The following RUVBL1 variants were observed in gnomAD, a reference collection of about 807,000 sequenced individuals.
RUVBL1 encodes ruvB-like 1.
In RUVBL1, 4 loss-of-function variants were observed where a neutral mutation model predicts 52.4. The ratio of observed to expected loss-of-function variants is 0.08; its 90% CI spans 0.04 to 0.17. RUVBL1 has a LOEUF of 0.17. RUVBL1 is among the 10% of genes least tolerant of loss of function. The probability of loss-of-function intolerance (pLI) is 1.00; values close to 1 mark genes in which losing one functional copy is unlikely to be tolerated. For missense variants in RUVBL1, 298 were observed against 572.8 expected, an observed-to-expected ratio of 0.52 and a Z score of 4.90; for synonymous variants, 217 against 214.4, an observed-to-expected ratio of 1.01 and a Z score of -0.10.
intron 9 of RUVBL1, among the ~76,000 whole-genome samples, chr3:128,085,425 G>A (rs1942616216): frequency 6.6e-6 from 1 of 152,178 alleles, no homozygotes; most frequent in South Asian, 2.1e-4. Flanking sequence ...CAGTAAGAAT[G>A]GGCCAGTTTT....
At chr3:128,096,895 G>T (rs1036771194) in intron 8 of RUVBL1, among the ~76,000 whole-genome samples, 1 of 152,026 alleles carries the variant, frequency 6.6e-6, no homozygotes, top group African/African-American at 2.4e-5. Flanking sequence ...CTGTCTTTAC[G>T]ATGAGGGACA....
rs1013926814 is a variant in RUVBL1, at chr3:128,069,417, C to T, written c.940-4197G>A. 23 of 1,534,296 alleles carry T rather than the reference C, an allele frequency of 1.5e-5. No homozygotes were observed. The African/African-American group carries it at 2.2e-4, about 15-fold the overall frequency. On this transcript the variant is annotated intron_variant, in intron 9 of 9. Transcript: ENST00000464873. ...CAAAGTCTCAGGTGAGCCTGTTGGC[C>T]GCCTGGCTCACGGGGAGCTCTGTGG...
At chr3:128,145,629 A>G (rs965978121) in intron 1 of RUVBL1, among the ~76,000 whole-genome samples, 5 of 152,066 alleles carry the variant, frequency 3.3e-5, no homozygotes, top group African/African-American at 1.2e-4. Flanking sequence ...AGGGAGAGAA[A>G]CGGAGAGGAG....
chr3:128,091,586 T>C (rs1177156584), intron 8 of RUVBL1, among the ~76,000 whole-genome samples: 2 of 152,228 alleles, frequency 1.3e-5, no homozygotes, highest in African/African-American at 4.8e-5. Flanking sequence ...AGCGTATCTA[T>C]AAAAGCAAGA....
At chr3:128,150,755 CTATATATTCTATATAT>C (rs1226890369) in intron 1 of RUVBL1, among the ~76,000 whole-genome samples, 18 of 100,572 alleles carry the variant, frequency 1.8e-4, no homozygotes, top group Admixed American at 1.4e-3. Context: ...TATATATTCT[CTATATATTCTATATAT>C]TATATATTCT....
chr3:128,074,503 C>CT (rs1942251373), intron 9 of RUVBL1, among the ~76,000 whole-genome samples: 1 of 152,104 alleles, frequency 6.6e-6, no homozygotes, highest in Admixed American at 6.5e-5. Flanking sequence ...TCATGGAGTG[C>CT]TCCACTTAGG....
At position 128,082,894 on chromosome 3, in the gene RUVBL1, G is replaced by A. The variant is rs1373274432; in HGVS notation, c.1120-320C>T. ...TTGCCTCCATGTCCTCCCGTCCCCT[G>A]TCCCCAGGCAGAGAACTGGGGCCTC... is the stretch of plus-strand genomic sequence containing the variant. On this transcript the variant is annotated intron_variant, in intron 9 of 10. Transcript: ENST00000322623. The surrounding 1 kb of genome is among the most constrained non-coding windows in gnomAD (Gnocchi z 4.7). 2 of 234,524 alleles carry A rather than the reference G, an allele frequency of 8.5e-6. No homozygotes were observed. The highest frequency in any genetic ancestry group is 8.4e-6 in the Non-Finnish European group (1 of 118,640). 14.5% of individuals were successfully genotyped at this position (234,524 alleles called of 1,614,324 possible).
intron 1 of RUVBL1, among the ~76,000 whole-genome samples, chr3:128,150,928 A>AATATATTCTATATATTATATATATT (rs1559841692): frequency 5.1e-4 from 34 of 67,168 alleles, no homozygotes; most frequent in African/African-American, 5.9e-4. Flanking sequence ...TTATATATAT[A>AATATATTCTATATATTATATATATT]ATATATTCTA....
chr3:128,103,672 G>T (rs890683955), intron 4 of RUVBL1, among the ~76,000 whole-genome samples: 2 of 152,182 alleles, frequency 1.3e-5, no homozygotes, highest in African/African-American at 4.8e-5. Context: ...CAACGGTTAG[G>T]ACTCAGAGGG....
intron 1 of RUVBL1, among the ~76,000 whole-genome samples, chr3:128,150,836 ATTC>A (rs1944182778): frequency 1.1e-5 from 1 of 92,090 alleles, no homozygotes; most frequent in Admixed American, 1.8e-4. Flanking sequence ...TATATTATAT[ATTC>A]TATATATATT....
chr3:128,102,875 A>G (rs1943136169), intron 4 of RUVBL1, among the ~76,000 whole-genome samples: 1 of 152,178 alleles, frequency 6.6e-6, no homozygotes, highest in South Asian at 2.1e-4. Context: ...ACAGCAGCAA[A>G]CCCAGGGTTC....
chr3:128,080,867 C>A lies in RUVBL1; in HGVS notation c.*383G>T. On this transcript the variant is annotated 3_prime_UTR_variant, in exon 11 of 11. Transcript: ENST00000322623. Reference sequence around the variant, plus strand: ...TTGGTCATTCACGGTGACAAATGTGCTATCTGATGTAACACGTTAACAAGA... The same window carrying A: ...TTGGTCATTCACGGTGACAAATGTGATATCTGATGTAACACGTTAACAAGA... 1 of 184,720 alleles carries A rather than the reference C, an allele frequency of 5.4e-6. No homozygotes were observed. The highest frequency in any genetic ancestry group is 1.1e-5 in the Non-Finnish European group (1 of 87,464). The allele number at this position is 184,720 out of a possible 1,614,324, so 11.4% of individuals were successfully genotyped here.
chr3:128,121,747 T>G (rs1011657477), intron 1 of RUVBL1, among the ~76,000 whole-genome samples: 1 of 149,798 alleles, frequency 6.7e-6, no homozygotes, highest in Non-Finnish European at 1.5e-5. Context: ...ACTATGGTCT[T>G]TCCACACAAC....
At chr3:128,142,632 C>G (rs1944042962) in intron 1 of RUVBL1, among the ~76,000 whole-genome samples, 1 of 152,184 alleles carries the variant, frequency 6.6e-6, no homozygotes, top group Non-Finnish European at 1.5e-5. Context: ...ACGTTCCTTT[C>G]CAGGGATTCT....
At chr3:128,084,918 C>T (rs1278444863) in intron 9 of RUVBL1, 26 of 152,274 alleles carry the variant, frequency 1.7e-4, no homozygotes, top group Non-Finnish European at 1.5e-5. Context: ...CCTGGCAAGT[C>T]ACTGTCCTAG....
chr3:128,069,515 C>T (rs147461692), intron 9 of RUVBL1: 40 of 1,613,494 alleles, frequency 2.5e-5, no homozygotes, highest in African/African-American at 5.3e-5. Flanking sequence ...GGCTGTGCAT[C>T]GGGGCCCTCT....
At chr3:128,107,756 A>G (rs746845078) in intron 3 of RUVBL1, among the ~76,000 whole-genome samples, 2 of 152,254 alleles carry the variant, frequency 1.3e-5, no homozygotes, top group Non-Finnish European at 2.9e-5. Context: ...TCTCCAAACA[A>G]CACGAATATA....
intron 3 of RUVBL1, among the ~76,000 whole-genome samples, chr3:128,111,819 C>CT (rs1299624183): frequency 1.3e-5 from 2 of 152,138 alleles, no homozygotes; most frequent in African/African-American, 4.8e-5. Flanking sequence ...AAATTTCCTT[C>CT]TTAAGAATAC....
intron 1 of RUVBL1, among the ~76,000 whole-genome samples, chr3:128,121,268 G>C (rs1002949331): frequency 1.1e-4 from 16 of 151,154 alleles, no homozygotes; most frequent in Non-Finnish European, 2.2e-4. Context: ...GCTAATTTTT[G>C]TATTTTTAGT....
Sources: gnomAD v4.1 joint callset for allele counts (sites outside exome capture counted in the v4.1 genomes callset) on GRCh38, gnomAD v4.1.1 for gene constraint, Gnocchi (gnomAD v3.1) non-coding constraint, MANE v1.5 for transcripts, NCBI Gene and HGNC (gene_info 2026-07-23, HGNC 2026-07-21) for gene names.